SAMD3: variants seen among roughly 807,000 people sequenced by gnomAD.
The protein encoded by SAMD3 is sterile alpha motif domain containing 3, also known as sterile alpha motif domain-containing protein 3.
In SAMD3, 63 loss-of-function variants were observed where a neutral mutation model predicts 58.5. The observed-to-expected ratio is 1.08, with a 90% CI of 0.88 to 1.33. SAMD3 has a LOEUF of 1.33. Ranked by LOEUF, SAMD3 falls within the 40% of genes most tolerant of loss-of-function variation. The pLI is 0.00. For synonymous variants in SAMD3, 220 were observed against 210.3 expected (o/e 1.05, Z -0.40); for missense variants, 604 against 608.4 (o/e 0.99, Z 0.08).
At chr6:130,179,303 G>A (rs780170274) in intron 7 of SAMD3, among the ~76,000 whole-genome samples, 1 of 152,104 alleles carries the variant, frequency 6.6e-6, no homozygotes, top group African/African-American at 2.4e-5. Context: ...GCCTCAGGTA[G>A]GCAGACTCAG....
chr6:130,209,900 G>A (rs1189314151), intron 4 of SAMD3, among the ~76,000 whole-genome samples: 1 of 152,184 alleles, frequency 6.6e-6, no homozygotes, highest in African/African-American at 2.4e-5. Context: ...ATGAAATGAT[G>A]GTGATCGTAG....
At chr6:130,215,680 C>G in intron 2 of SAMD3, 1 of 1,434,778 alleles carries the variant, frequency 7.0e-7, no homozygotes, top group Non-Finnish European at 9.1e-7. Flanking sequence ...CCAGGCTCCT[C>G]AGGAAGTGGT....
At chr6:130,252,011 G>C (rs73607948) in intron 2 of SAMD3, among the ~76,000 whole-genome samples, 3 of 151,622 alleles carry the variant, frequency 2.0e-5, no homozygotes, top group South Asian at 2.1e-4. Flanking sequence ...GCTATTGAAG[G>C]CTCCATTATT....
chr6:130,322,007 G>A (rs530391330), intron 1 of SAMD3, among the ~76,000 whole-genome samples: 2 of 152,298 alleles, frequency 1.3e-5, no homozygotes, highest in East Asian at 3.9e-4. Context: ...TATTTGGAAA[G>A]GAGGAATAAG....
chr6:130,288,229 TA>T (rs1463332435), intron 2 of SAMD3, among the ~76,000 whole-genome samples: 2 of 152,162 alleles, frequency 1.3e-5, no homozygotes, highest in Non-Finnish European at 2.9e-5. Flanking sequence ...TGGCTCACCA[TA>T]TTGTGGGGGC....
At chr6:130,336,419 G>C (rs1380736877) in intron 1 of SAMD3, among the ~76,000 whole-genome samples, 1 of 152,168 alleles carries the variant, frequency 6.6e-6, no homozygotes, top group Non-Finnish European at 1.5e-5. Flanking sequence ...GGCTATCTCT[G>C]GGAAAGTTTT....
At chr6:130,272,203 T>G (rs1478569) in intron 2 of SAMD3, among the ~76,000 whole-genome samples, 1 of 151,838 alleles carries the variant, frequency 6.6e-6, no homozygotes, top group Non-Finnish European at 1.5e-5. Flanking sequence ...ATTTTTCAAA[T>G]GGCTGACCAT....
intron 1 of SAMD3, among the ~76,000 whole-genome samples, chr6:130,363,506 G>A (rs993948488): frequency 6.6e-6 from 1 of 151,972 alleles, no homozygotes; most frequent in African/African-American, 2.4e-5. Context: ...TTTTGATGAT[G>A]TTAATTGCAT....
chr6:130,154,802 A>G (rs201271857), intron 9 of SAMD3, 23 bp downstream of exon 9: 224 of 1,253,824 alleles, frequency 1.8e-4, no homozygotes, highest in Middle Eastern at 1.6e-3. Flanking sequence ...ATGTGTGTGT[A>G]TATATATATA....
intron 5 of SAMD3, among the ~76,000 whole-genome samples, chr6:130,200,673 C>A (rs549333758): frequency 1.3e-5 from 2 of 151,842 alleles, no homozygotes; most frequent in Non-Finnish European, 2.9e-5. Flanking sequence ...TAATTTATCA[C>A]CAGCAATCAA....
chr6:130,236,586 G>A lies in SAMD3; in HGVS notation c.-187-13773C>T, dbSNP rs1284309308. 2.0e-5 allele frequency among the ~76,000 whole-genome samples: 3 copies of A among 152,210 alleles called. No homozygotes were observed. The East Asian group carries it at 5.8e-4, about 29-fold the overall frequency. On this transcript the variant is annotated intron_variant, in intron 2 of 13. Transcript: ENST00000368134. Reference sequence around the variant, plus strand: ...TTTAGTAGAGATGAGGTTTCACCATGTTGGCCAGGCTGGTCTCAAACTCCT... The same window carrying A: ...TTTAGTAGAGATGAGGTTTCACCATATTGGCCAGGCTGGTCTCAAACTCCT...
At chr6:130,149,971 CTATTAA>C (rs1190849756) in intron 9 of SAMD3, among the ~76,000 whole-genome samples, 3 of 152,158 alleles carry the variant, frequency 2.0e-5, no homozygotes, top group African/African-American at 7.2e-5. Flanking sequence ...TGGATAATTT[CTATTAA>C]TCTATCTGCA....
At chr6:130,213,016 C>T (rs1795698395) in intron 4 of SAMD3, among the ~76,000 whole-genome samples, 1 of 152,202 alleles carries the variant, frequency 6.6e-6, no homozygotes. Context: ...GGCAAAGCAG[C>T]TCTTGCCTGT....
chr6:130,146,135 T>G lies in SAMD3; in HGVS notation c.1070A>C (p.Lys357Thr). 6.3e-7 allele frequency: 1 copy of G among 1,599,752 alleles called. No homozygotes were observed. The highest frequency in any genetic ancestry group is 1.3e-5 in the African/African-American group (1 of 74,496). ...ATAGGATTCCAAAATGTGCCTTGTTTTCTTATAAATATCTGTTCTTGTAAG... is the reference window on the plus strand; with the variant it reads ...ATAGGATTCCAAAATGTGCCTTGTTGTCTTATAAATATCTGTTCTTGTAAG... The part of the protein sequence containing the change: ...QLLTRTDIYK[K>T]TRHILESYSE... Residue 357 changes from lysine to threonine, a missense_variant, in exon 10 of 12, where the codon AAA becomes ACA. Physicochemically the swap from Lys to Thr is moderately conservative, Grantham distance 78 (BLOSUM62 -1). Coordinates refer to ENST00000439090, the MANE Select transcript of SAMD3 (RefSeq NM_001017373.4).
At chr6:130,224,282 C>T (rs559828662), upstream of SAMD3, among the ~76,000 whole-genome samples, 6 of 152,148 alleles carry the variant, frequency 3.9e-5, no homozygotes, top group East Asian at 1.9e-4. Flanking sequence ...GGGGGTGTGG[C>T]GGGCCAGAGT....
intron 2 of SAMD3, among the ~76,000 whole-genome samples, chr6:130,279,149 G>T (rs1024436392): frequency 6.6e-6 from 1 of 152,088 alleles, no homozygotes; most frequent in Non-Finnish European, 1.5e-5. Flanking sequence ...TAAGATTATA[G>T]AATTTAATGG....
At chr6:130,198,784 G>A (rs1292979334) in intron 5 of SAMD3, among the ~76,000 whole-genome samples, 1 of 152,160 alleles carries the variant, frequency 6.6e-6, no homozygotes, top group Non-Finnish European at 1.5e-5. Context: ...TTACAAAAAG[G>A]TCAGACACGC....
intron 8 of SAMD3, among the ~76,000 whole-genome samples, chr6:130,163,087 C>A (rs1293230738): frequency 1.3e-5 from 2 of 151,862 alleles, no homozygotes; most frequent in Non-Finnish European, 2.9e-5. Context: ...TTTTCTTTTT[C>A]CCCCAGAGAT....
chr6:130,276,076 G>T (rs1774765854), intron 2 of SAMD3, among the ~76,000 whole-genome samples: 1 of 152,194 alleles, frequency 6.6e-6, no homozygotes, highest in South Asian at 2.1e-4. Context: ...CTTATAACAG[G>T]GAAACAGGAG....
Sources: allele counts gnomAD v4.1 joint callset (sites outside exome capture counted in the v4.1 genomes callset), GRCh38; gene constraint gnomAD v4.1.1; transcripts MANE v1.5; gene names NCBI Gene and HGNC (gene_info 2026-07-23, HGNC 2026-07-21).